LMBR1: variants seen among roughly 807,000 people sequenced by gnomAD.
LMBR1 encodes the protein limb development membrane protein 1.
In LMBR1, 52 loss-of-function variants were observed where a neutral mutation model predicts 73.9. That is an observed-to-expected ratio of 0.70 (90% confidence interval 0.56 to 0.89). The LOEUF (loss-of-function observed/expected upper bound fraction) is 0.89, where lower values mean the gene tolerates loss of function less well. Among genes scored for constraint, LMBR1 ranks in the 40% least tolerant of loss-of-function variants. The pLI, the probability that LMBR1 is intolerant of heterozygous loss-of-function variation, is 0.00. For synonymous variants in LMBR1, 215 were observed against 209.4 expected (o/e 1.03, Z -0.23); for missense variants, 539 against 579.8 (o/e 0.93, Z 0.72).
intron 4 of LMBR1, among the ~76,000 whole-genome samples, chr7:156,809,068 C>T (rs1366130431): frequency 6.6e-6 from 1 of 152,200 alleles, no homozygotes; most frequent in African/African-American, 2.4e-5. Flanking sequence ...AAAAGCTTCT[C>T]TACATATAAA....
At chr7:156,770,997 C>T (rs1394518408) in intron 5 of LMBR1, among the ~76,000 whole-genome samples, 1 of 151,548 alleles carries the variant, frequency 6.6e-6, no homozygotes, top group African/African-American at 2.4e-5. Context: ...AAAAATAAAT[C>T]GAAGAATTCA....
At chr7:156,863,267 T>C (rs1474551068) in intron 1 of LMBR1, among the ~76,000 whole-genome samples, 9 of 143,336 alleles carry the variant, frequency 6.3e-5, no homozygotes, top group Non-Finnish European at 1.1e-4. Context: ...TGGAGTACAA[T>C]GTCCGAGGGC....
intron 1 of LMBR1, among the ~76,000 whole-genome samples, chr7:156,861,778 A>G (rs906362795): frequency 1.3e-5 from 2 of 152,198 alleles, no homozygotes; most frequent in African/African-American, 4.8e-5. Context: ...GCAAAATGTC[A>G]CCAATCTCTT....
intron 15 of LMBR1, among the ~76,000 whole-genome samples, chr7:156,714,228 G>A (rs1194603006): frequency 6.6e-6 from 1 of 152,206 alleles, no homozygotes. Flanking sequence ...AAAGCCATTG[G>A]ATAGAATGTG....
At chr7:156,826,481 C>T (rs528281125) in intron 4 of LMBR1, 124 bp downstream of exon 4, 1 of 568,676 alleles carries the variant, frequency 1.8e-6, no homozygotes. Context: ...TTATTAAAGA[C>T]CCAAATCGTT....
intron 1 of LMBR1, among the ~76,000 whole-genome samples, chr7:156,844,336 G>A (rs1839238389): frequency 6.6e-6 from 1 of 151,834 alleles, no homozygotes; most frequent in South Asian, 2.1e-4. Flanking sequence ...ACAAAAAAAA[G>A]CTACACACTA....
chr7:156,734,621 G>C (rs537908779), intron 9 of LMBR1, among the ~76,000 whole-genome samples: 104 of 152,176 alleles, frequency 6.8e-4, no homozygotes, highest in African/African-American at 2.4e-3. Context: ...AAAACCACCA[G>C]TACCACAAAA....
chr7:156,816,334 C>A (rs761017203), intron 4 of LMBR1, among the ~76,000 whole-genome samples: 3 of 152,064 alleles, frequency 2.0e-5, no homozygotes, highest in Non-Finnish European at 4.4e-5. Flanking sequence ...GCCTCCCGAG[C>A]ATCTGGGATT....
chr7:156,716,778 T>C (rs1253745907), intron 15 of LMBR1, among the ~76,000 whole-genome samples: 2 of 152,246 alleles, frequency 1.3e-5, no homozygotes, highest in Admixed American at 6.5e-5. Context: ...TTTTATGCTA[T>C]ACAAGTCTGA....
downstream of LMBR1, chr7:156,675,916 G>A (rs567347934): frequency 1.7e-4 from 265 of 1,568,882 alleles, 1 homozygote; most frequent in East Asian, 5.5e-3. Flanking sequence ...AGCTGCAGAG[G>A]CTGTGGGGAG....
chr7:156,866,924 C>G (rs1318739385), intron 1 of LMBR1, among the ~76,000 whole-genome samples: 1 of 152,130 alleles, frequency 6.6e-6, no homozygotes, highest in East Asian at 1.9e-4. Context: ...TTAGAAGATC[C>G]TTGTGATAGT....
chr7:156,846,210 G>A (rs2058565), intron 1 of LMBR1, among the ~76,000 whole-genome samples: 40,263 of 151,924 alleles, frequency 0.27, 5,650 homozygotes, highest in East Asian at 0.42. Context: ...GGAGTTCAAG[G>A]CTGCAGTGCA....
intron 1 of LMBR1, among the ~76,000 whole-genome samples, chr7:156,852,387 G>C (rs527629484): frequency 6.6e-6 from 1 of 152,260 alleles, no homozygotes; most frequent in East Asian, 1.9e-4. Context: ...ATTGCTTATG[G>C]AAAATACTTG....
chr7:156,703,536 C>G (rs1218240258), intron 15 of LMBR1, among the ~76,000 whole-genome samples: 2 of 152,132 alleles, frequency 1.3e-5, no homozygotes, highest in African/African-American at 4.8e-5. Flanking sequence ...GAGCACTCCA[C>G]GAGAACAAGG....
intron 4 of LMBR1, among the ~76,000 whole-genome samples, chr7:156,806,527 C>A (rs566283862): frequency 7.3e-5 from 11 of 149,752 alleles, no homozygotes; most frequent in Admixed American, 7.3e-4. Flanking sequence ...TGCCTTGTTC[C>A]TGATCTCAGG....
chr7:156,725,107 G>C (rs1158730046), intron 14 of LMBR1, among the ~76,000 whole-genome samples: 1 of 152,088 alleles, frequency 6.6e-6, no homozygotes, highest in East Asian at 1.9e-4. Context: ...CTTCAAACAA[G>C]CTCCCTGAAG....
intron 4 of LMBR1, among the ~76,000 whole-genome samples, chr7:156,824,613 T>A (rs562560526): frequency 6.6e-6 from 1 of 152,116 alleles, no homozygotes; most frequent in South Asian, 2.1e-4. Context: ...GAGGCCAAGG[T>A]GGGAGATCAC....
intron 8 of LMBR1, 32 bp from the exon 9 acceptor site, chr7:156,756,497 C>A: frequency 9.5e-7 from 1 of 1,055,574 alleles, no homozygotes; most frequent in South Asian, 1.4e-5. Context: ...TTCAATAATT[C>A]AACGTTATAA....
At chr7:156,857,502 T>C (rs1435518099) in intron 1 of LMBR1, among the ~76,000 whole-genome samples, 1 of 152,234 alleles carries the variant, frequency 6.6e-6, no homozygotes, top group Non-Finnish European at 1.5e-5. Context: ...TCTACTATTA[T>C]AGTTGGAGAC....
Sources: allele counts gnomAD v4.1 joint callset (sites outside exome capture counted in the v4.1 genomes callset), GRCh38; gene constraint gnomAD v4.1.1; transcripts MANE v1.5; gene names NCBI Gene and HGNC (gene_info 2026-07-23, HGNC 2026-07-21).